The following AGTR1 variants were observed in gnomAD, a reference collection of about 807,000 sequenced individuals.
AGTR1 encodes angiotensin II receptor type 1, also known as type-1 angiotensin II receptor.
AGTR1 carries 16 observed loss-of-function variants against 19.4 expected under a neutral mutation model. That is an observed-to-expected ratio of 0.82 (90% CI 0.56 to 1.25). The LOEUF is 1.25. Among genes scored for constraint, AGTR1 ranks in the 50% most tolerant of loss-of-function variants. The pLI is 0.00. For synonymous variants in AGTR1, 153 were observed against 154.9 expected (o/e 0.99, Z 0.09); for missense variants, 373 against 431.9 (o/e 0.86, Z 1.21).
intron 2 of AGTR1, among the ~76,000 whole-genome samples, chr3:148,737,484 G>A (rs897313012): frequency 2.6e-5 from 4 of 151,600 alleles, no homozygotes; most frequent in African/African-American, 7.3e-5. Flanking sequence ...TGTAACATTC[G>A]ACACACTAAA....
intron 1 of AGTR1, among the ~76,000 whole-genome samples, chr3:148,705,386 C>T (rs1295337608): frequency 2.0e-5 from 3 of 152,122 alleles, no homozygotes; most frequent in Non-Finnish European, 2.9e-5. Context: ...AATTCAAATG[C>T]TCCTGCCCTT....
At chr3:148,731,030 T>A (rs1332693976) in intron 2 of AGTR1, among the ~76,000 whole-genome samples, 1 of 152,244 alleles carries the variant, frequency 6.6e-6, no homozygotes, top group Non-Finnish European at 1.5e-5. Context: ...AATATCTTAA[T>A]AATTTTATAT....
rs1799870 is a variant in AGTR1, at chr3:148,742,250, C to T, written c.*135C>T. The T allele has an allele frequency of 3.0e-3, 3,787 of 1,257,812 alleles. 90 individuals are homozygous for T. The African/African-American group carries it at 0.045, about 15-fold the overall frequency. 77.9% of individuals were successfully genotyped at this position (1,257,812 alleles called of 1,614,324 possible). A position where few individuals can be genotyped will look rare whatever the true frequency, so the allele number is the denominator to read the frequency against. On this transcript the variant is annotated 3_prime_UTR_variant, in exon 3 of 3. Coordinates refer to ENST00000349243, the MANE Select transcript of AGTR1 (RefSeq NM_000685.5). ...GAGAAAATGCATTATGTGGACTGAA[C>T]CGACTTTTCTAAAGCTCTGAACAAA...
chr3:148,735,444 C>T (rs1003898020), intron 2 of AGTR1, among the ~76,000 whole-genome samples: 1 of 152,096 alleles, frequency 6.6e-6, no homozygotes, highest in African/African-American at 2.4e-5. Context: ...TGAACACAGT[C>T]AAAGATTACA....
At chr3:148,735,939 C>T (rs1401225459) in intron 2 of AGTR1, among the ~76,000 whole-genome samples, 1 of 152,124 alleles carries the variant, frequency 6.6e-6, no homozygotes, top group Non-Finnish European at 1.5e-5. Context: ...GAGAGAGATA[C>T]TTTGATAGAA....
intron 2 of AGTR1, among the ~76,000 whole-genome samples, chr3:148,733,758 G>T (rs1381894765): frequency 6.6e-6 from 1 of 152,188 alleles, no homozygotes; most frequent in East Asian, 1.9e-4. Context: ...GAGTCTATAA[G>T]TTTGAAGAAT....
At position 148,742,235 on chromosome 3, in the gene AGTR1, A is replaced by G; in HGVS notation, c.*120A>G. 1 of 1,388,486 alleles carries G rather than the reference A, an allele frequency of 7.2e-7. No individual in the cohort carries two copies. Among genetic ancestry groups the G allele is most frequent in the Non-Finnish European group, 1.0e-6 (1 of 975,306 alleles). The allele number at this position is 1,388,486 out of a possible 1,614,324, so 86.0% of individuals were successfully genotyped here. On this transcript the variant is annotated 3_prime_UTR_variant, in exon 3 of 3. Transcript: ENST00000349243. ...TTTTCAGAATTGAAGGAGAAAATGCATTATGTGGACTGAACCGACTTTTCT... is the reference window on the plus strand; with the variant it reads ...TTTTCAGAATTGAAGGAGAAAATGCGTTATGTGGACTGAACCGACTTTTCT...
intron 2 of AGTR1, among the ~76,000 whole-genome samples, chr3:148,713,081 A>C (rs1713091511): frequency 6.6e-6 from 1 of 152,200 alleles, no homozygotes; most frequent in African/African-American, 2.4e-5. Context: ...AATCTACACT[A>C]TGAATAAAAC....
At chr3:148,704,399 T>C (rs906491309) in intron 1 of AGTR1, among the ~76,000 whole-genome samples, 2 of 151,958 alleles carry the variant, frequency 1.3e-5, no homozygotes, top group Non-Finnish European at 2.9e-5. Flanking sequence ...ACTTTTGATA[T>C]CTCTATTTTT....
intron 2 of AGTR1, among the ~76,000 whole-genome samples, chr3:148,739,515 A>G (rs2107971873): frequency 6.6e-6 from 1 of 152,350 alleles, no homozygotes; most frequent in African/African-American, 2.4e-5. Flanking sequence ...GATGTACATT[A>G]TATAAGCTGG....
In AGTR1 at chr3:148,742,101, T is replaced by G. The variant is rs144333873; in HGVS notation, c.1066T>G (p.Phe356Val). 55 of 1,613,816 alleles carry G rather than the reference T, an allele frequency of 3.4e-5. No homozygotes were observed. Among genetic ancestry groups the G allele is most frequent in the Non-Finnish European group, 4.6e-5 (54 of 1,179,968 alleles). The change falls in exon 3 of 3, where the codon TTT becomes GTT. Residue 356 changes from phenylalanine to valine, a missense_variant. Physicochemically the swap from Phe to Val is conservative, Grantham distance 50. Coordinates refer to ENST00000349243, the MANE Select transcript of AGTR1 (RefSeq NM_000685.5). ...ATCCACCAAGAAGCCTGCACCATGT[T>G]TTGAGGTTGAGTGACATGTTCGAAA... Reference protein sequence around the residue: ...SSSTKKPAPCFEVE With the variant: ...SSSTKKPAPCVEVE
intron 2 of AGTR1, among the ~76,000 whole-genome samples, chr3:148,713,397 TAAG>T (rs1316023511): frequency 1.3e-5 from 2 of 152,044 alleles, no homozygotes; most frequent in Non-Finnish European, 2.9e-5. Context: ...GTCTAACAAT[TAAG>T]AACCCTTAAG....
chr3:148,732,567 A>T (rs1052657197), intron 2 of AGTR1, among the ~76,000 whole-genome samples: 1 of 152,112 alleles, frequency 6.6e-6, no homozygotes, highest in African/African-American at 2.4e-5. Flanking sequence ...TGGGATTAAA[A>T]ATATTTAGAT....
chr3:148,740,710 A>T (rs1026493508), intron 2 of AGTR1, among the ~76,000 whole-genome samples: 8 of 152,106 alleles, frequency 5.3e-5, no homozygotes, highest in African/African-American at 1.9e-4. Flanking sequence ...TTACTTATAG[A>T]AAAAAAGGAA....
In AGTR1 at chr3:148,734,763, G is replaced by C. The variant is rs12721224; in HGVS notation, c.-47-6226G>C. Among the ~76,000 whole-genome samples, 347 of 152,280 alleles carry C rather than the reference G, an allele frequency of 2.3e-3. 5 individuals are homozygous for C. The highest frequency in any genetic ancestry group is 8.1e-3 in the African/African-American group (335 of 41,538). On this transcript the variant is annotated intron_variant, in intron 2 of 2. Coordinates refer to ENST00000349243, the MANE Select transcript of AGTR1 (RefSeq NM_000685.5). ...ACTTGTCTCTTGCCCCATGGTGCCA[G>C]GTGGTCTGCCATGCTTCCCTCTTCG...
At chr3:148,733,428 C>A (rs2107964453) in intron 2 of AGTR1, among the ~76,000 whole-genome samples, 1 of 152,296 alleles carries the variant, frequency 6.6e-6, no homozygotes, top group East Asian at 1.9e-4. Context: ...ATTAGTACCT[C>A]TTTTCCTGCC....
At chr3:148,698,277 C>T (rs1199192771) in intron 1 of AGTR1, 150 bp downstream of exon 1, 2 of 152,416 alleles carry the variant, frequency 1.3e-5, no homozygotes, top group Non-Finnish European at 2.9e-5. Context: ...AGCGCCTGCC[C>T]CTGGAGCTGG....
At chr3:148,702,123 G>T (rs925092911) in intron 1 of AGTR1, among the ~76,000 whole-genome samples, 2 of 151,818 alleles carry the variant, frequency 1.3e-5, no homozygotes, top group African/African-American at 4.8e-5. Context: ...GATTACAGGT[G>T]CATGCCGCCA....
At chr3:148,726,698 G>A (rs379600) in intron 2 of AGTR1, among the ~76,000 whole-genome samples, 2,652 of 151,818 alleles carry the variant, frequency 0.017, 42 homozygotes, top group Non-Finnish European at 0.028. Context: ...CCAATTATGC[G>A]GGAAAGGCTG....
Sources: allele counts gnomAD v4.1 joint callset (sites outside exome capture counted in the v4.1 genomes callset), GRCh38; gene constraint gnomAD v4.1.1; transcripts MANE v1.5; gene names NCBI Gene and HGNC (gene_info 2026-07-23, HGNC 2026-07-21).